The following SPOCK1 variants were observed in gnomAD, a reference collection of about 807,000 sequenced individuals.
SPOCK1 encodes SPARC (osteonectin), cwcv and kazal like domains proteoglycan 1.
Under a neutral mutation model 55.3 loss-of-function variants are expected in SPOCK1, and 23 were observed. That is an observed-to-expected ratio of 0.42 (90% CI 0.30 to 0.59). The LOEUF is 0.59. Among genes scored for constraint, SPOCK1 ranks in the 20% least tolerant of loss-of-function variants. The pLI, the probability that SPOCK1 is intolerant of heterozygous loss-of-function variation, is 0.22. For missense variants in SPOCK1, 499 were observed against 552.5 expected (o/e 0.90, Z 0.97); for synonymous variants, 226 against 221.0 (o/e 1.02, Z -0.20).
chr5:137,179,595 G>A (rs982432559), intron 3 of SPOCK1, among the ~76,000 whole-genome samples: 6 of 152,150 alleles, frequency 3.9e-5, no homozygotes, highest in South Asian at 2.1e-4. Context: ...AATTCCCCCC[G>A]GTAGCAGCCT....
rs183002304 is a variant in SPOCK1, at chr5:137,087,182, C to T, written c.475-19353G>A. Among the ~76,000 whole-genome samples the T allele has an allele frequency of 1.1e-3, 161 of 152,276 alleles. 4 individuals carry two copies. The Middle Eastern group carries it at 0.027, about 26-fold the overall frequency. ...AGGCACAGTCTTTTTTTCTTTCCCTCCCATCTGATGAACTGCAGCAGGGAG... is the reference window on the plus strand; with the variant it reads ...AGGCACAGTCTTTTTTTCTTTCCCTTCCATCTGATGAACTGCAGCAGGGAG... On this transcript the variant is annotated intron_variant, in intron 5 of 10. Coordinates refer to ENST00000394945, the MANE Select transcript of SPOCK1 (RefSeq NM_004598.4).
chr5:137,416,482 T>A (rs903527776), intron 2 of SPOCK1, among the ~76,000 whole-genome samples: 1 of 152,164 alleles, frequency 6.6e-6, no homozygotes, highest in African/African-American at 2.4e-5. Flanking sequence ...CATTCTTTGA[T>A]ATTACTTTTA....
At chr5:137,310,417 G>C (rs762434142) in intron 2 of SPOCK1, among the ~76,000 whole-genome samples, 3 of 152,152 alleles carry the variant, frequency 2.0e-5, no homozygotes, top group Non-Finnish European at 4.4e-5. Context: ...ATTTTATATC[G>C]TCTACTGAGT....
chr5:137,382,817 G>A (rs959529110), intron 2 of SPOCK1, among the ~76,000 whole-genome samples: 2 of 152,220 alleles, frequency 1.3e-5, no homozygotes, highest in Non-Finnish European at 2.9e-5. Context: ...CAGGAGGACA[G>A]AGCATACAAC....
chr5:137,038,647 T>C (rs1751929659), intron 6 of SPOCK1, among the ~76,000 whole-genome samples: 1 of 152,184 alleles, frequency 6.6e-6, no homozygotes, highest in African/African-American at 2.4e-5. Flanking sequence ...CATTACTTTT[T>C]ATAGAAATAT....
chr5:137,317,998 T>G (rs1757912560), intron 2 of SPOCK1, among the ~76,000 whole-genome samples: 3 of 152,290 alleles, frequency 2.0e-5, no homozygotes, highest in African/African-American at 7.2e-5. Flanking sequence ...ATTTGATTAT[T>G]TAAAAAGTCT....
At chr5:137,011,559 A>T (rs2126974798) in intron 6 of SPOCK1, among the ~76,000 whole-genome samples, 1 of 152,244 alleles carries the variant, frequency 6.6e-6, no homozygotes, top group South Asian at 2.1e-4. Context: ...TTCACAAAGG[A>T]TTGCAATGGT....
intron 2 of SPOCK1, among the ~76,000 whole-genome samples, chr5:137,286,090 T>C (rs974878425): frequency 6.6e-6 from 1 of 152,142 alleles, no homozygotes; most frequent in African/African-American, 2.4e-5. Context: ...CCCTAGGTGG[T>C]CAATGCTGTT....
At chr5:137,107,011 T>C (rs1043319314) in intron 5 of SPOCK1, among the ~76,000 whole-genome samples, 1 of 152,172 alleles carries the variant, frequency 6.6e-6, no homozygotes, top group African/African-American at 2.4e-5. Flanking sequence ...TGGTTGACTC[T>C]TTCCAGCCTT....
chr5:137,197,979 A>C (rs1343492586), intron 3 of SPOCK1, among the ~76,000 whole-genome samples: 1 of 152,234 alleles, frequency 6.6e-6, no homozygotes, highest in Non-Finnish European at 1.5e-5. Context: ...TACAAAAATA[A>C]GAAAGGCAAA....
intron 2 of SPOCK1, among the ~76,000 whole-genome samples, chr5:137,287,374 C>T (rs1468566974): frequency 6.6e-6 from 1 of 152,228 alleles, no homozygotes; most frequent in Non-Finnish European, 1.5e-5. Context: ...CAGAGGCATG[C>T]TCCTGCCTCA....
At chr5:137,417,854 G>T (rs1413906788) in intron 2 of SPOCK1, among the ~76,000 whole-genome samples, 1 of 152,122 alleles carries the variant, frequency 6.6e-6, no homozygotes, top group Non-Finnish European at 1.5e-5. Context: ...TGCACAACGT[G>T]CAGGTTTGTT....
intron 3 of SPOCK1, among the ~76,000 whole-genome samples, chr5:137,205,114 TG>T (rs1248187351): frequency 6.6e-6 from 1 of 152,206 alleles, no homozygotes; most frequent in Admixed American, 6.5e-5. Context: ...GTTTACCAGT[TG>T]ATCTCCCCAC....
At chr5:137,066,464 G>T (rs1216562855) in intron 6 of SPOCK1, among the ~76,000 whole-genome samples, 1 of 152,114 alleles carries the variant, frequency 6.6e-6, no homozygotes, top group African/African-American at 2.4e-5. Flanking sequence ...TCTAGCCTCA[G>T]AATAAAAGCA....
intron 5 of SPOCK1, among the ~76,000 whole-genome samples, chr5:137,109,843 C>T (rs1172861874): frequency 1.3e-5 from 2 of 152,192 alleles, no homozygotes; most frequent in Non-Finnish European, 2.9e-5. Flanking sequence ...AAGTCTCTCT[C>T]CAACCCTCTC....
intron 4 of SPOCK1, among the ~76,000 whole-genome samples, chr5:137,128,418 A>G (rs1269321616): frequency 2.0e-5 from 3 of 152,228 alleles, no homozygotes; most frequent in South Asian, 2.1e-4. Flanking sequence ...ATTAGCAAGG[A>G]TTGTTCCCCC....
chr5:137,178,041 C>T (rs1333992560), intron 3 of SPOCK1, among the ~76,000 whole-genome samples: 3 of 152,300 alleles, frequency 2.0e-5, no homozygotes, highest in Admixed American at 2.0e-4. Context: ...AAAGCCCTGG[C>T]AGGTGAGCAG....
intron 3 of SPOCK1, among the ~76,000 whole-genome samples, chr5:137,181,607 C>A (rs1754970522): frequency 6.6e-6 from 1 of 152,206 alleles, no homozygotes. Context: ...ATCAGCTCTG[C>A]CCCTCTCATT....
intron 2 of SPOCK1, among the ~76,000 whole-genome samples, chr5:137,333,975 T>C (rs907818472): frequency 6.6e-6 from 1 of 152,118 alleles, no homozygotes; most frequent in African/African-American, 2.4e-5. Context: ...ACTGTGAACA[T>C]GAAGCAGGTT....
Sources: gnomAD v4.1 joint callset for allele counts (sites outside exome capture counted in the v4.1 genomes callset) on GRCh38, gnomAD v4.1.1 for gene constraint, MANE v1.5 for transcripts, NCBI Gene and HGNC (gene_info 2026-07-23, HGNC 2026-07-21) for gene names.